Variants in NOL7 observed in about 807,000 individuals in gnomAD.
NOL7 encodes the protein nucleolar protein 7, also known as U3 small nucleolar RNA-associated protein NOL7.
In NOL7, 36 loss-of-function variants were observed where a neutral mutation model predicts 38.4. The ratio of observed to expected loss-of-function variants is 0.94; its 90% CI spans 0.72 to 1.24. The LOEUF is 1.24. Ranked by LOEUF, NOL7 falls within the 50% of genes most tolerant of loss-of-function variation. NOL7 has a pLI of 0.00. For synonymous variants in NOL7, 142 were observed against 126.5 expected, an observed-to-expected ratio of 1.12 and a Z score of -0.82; for missense variants, 350 against 315.1, an observed-to-expected ratio of 1.11 and a Z score of -0.84.
At chr6:13,627,251 C>T (rs546243906) in intron 8 of NOL7, among the ~76,000 whole-genome samples, 3 of 152,102 alleles carry the variant, frequency 2.0e-5, no homozygotes, top group Non-Finnish European at 4.4e-5. Flanking sequence ...TTCTACTTCC[C>T]GCCCCTAACC....
In NOL7 at chr6:13,615,372, G is replaced by A. The variant is rs1488809193; in HGVS notation, c.14G>A (p.Arg5Gln). Reference protein sequence around the residue: MVQLRPRASRAPASA... With the variant: MVQLQPRASRAPASA... ...GCTGCGTGGGCCATGGTGCAGCTCC[G>A]ACCGCGAGCGTCTCGCGCCCCGGCG... The change falls in exon 1 of 8, where the codon CGA (arginine) becomes CAA (glutamine). Residue 5 changes from arginine (R) to glutamine (Q), a missense_variant. Arg to Gln is a conservative substitution (Grantham distance 43). Coordinates refer to ENST00000451315, the MANE Select transcript of NOL7 (RefSeq NM_016167.5). The A allele has an allele frequency of 6.6e-7, 1 of 1,511,776 alleles. No homozygotes were observed. Among genetic ancestry groups the A allele is most frequent in the Non-Finnish European group, 8.8e-7 (1 of 1,132,588 alleles). 93.6% of individuals were successfully genotyped at this position (1,511,776 alleles called of 1,614,324 possible).
At position 13,615,699 on chromosome 6, in the gene NOL7, C is replaced by T; in HGVS notation, c.267-13C>T. On this transcript the variant is annotated splice_polypyrimidine_tract_variant and intron_variant, in intron 1 of 7. Coordinates refer to ENST00000451315, the MANE Select transcript of NOL7 (RefSeq NM_016167.5). Reference sequence around the variant, plus strand: ...TGTCCTTCCCTTTGCTGACTTATCACCCTTCCTCCCAGGGATAAAACGCTC... The same window carrying T: ...TGTCCTTCCCTTTGCTGACTTATCATCCTTCCTCCCAGGGATAAAACGCTC... The T allele has an allele frequency of 3.7e-6, 6 of 1,614,234 alleles. No individual in the cohort carries two copies. The highest frequency in any genetic ancestry group is 5.1e-6 in the Non-Finnish European group (6 of 1,180,042).
intron 8 of NOL7, among the ~76,000 whole-genome samples, chr6:13,627,863 C>T (rs1764661984): frequency 1.3e-5 from 2 of 152,104 alleles, no homozygotes; most frequent in Non-Finnish European, 1.5e-5. Flanking sequence ...AAATGTCGCA[C>T]TCCCAAATCT....
chr6:13,616,691 A>G (rs1219844154), intron 3 of NOL7, among the ~76,000 whole-genome samples, 170 bp downstream of exon 3: 2 of 152,146 alleles, frequency 1.3e-5, no homozygotes, highest in African/African-American at 4.8e-5. Context: ...TCTACTTCTT[A>G]TTTTACCATT....
chr6:13,629,633 C>T (rs1330417428), intron 8 of NOL7, among the ~76,000 whole-genome samples: 2 of 152,082 alleles, frequency 1.3e-5, no homozygotes, highest in African/African-American at 4.8e-5. Flanking sequence ...CAGGCTGGGG[C>T]TGTTCATTCA....
At position 13,620,411 on chromosome 6, in the gene NOL7, A is replaced by G. The variant is rs1392467658; in HGVS notation, c.626A>G (p.Asn209Ser). The G allele has an allele frequency of 3.7e-6, 6 of 1,614,140 alleles. No individual in the cohort carries two copies. Among genetic ancestry groups the G allele is most frequent in the South Asian group, 2.2e-5 (2 of 91,082 alleles). ...GATAAATACCTTTCTTTTCTAGTAA[A>G]TAAGTTCCTGTCTCTTGCCAACAAG... ...YGPGTNRTTV[N>S]KFLSLANKRL... is the part of the protein sequence containing the mutation. Residue 209 changes from asparagine to serine, a missense_variant, in exon 7 of 8, where the codon AAT becomes AGT. Transcript: ENST00000451315.
downstream of NOL7, chr6:13,622,419 C>T: frequency 6.2e-7 from 1 of 1,602,104 alleles, no homozygotes; most frequent in African/African-American, 1.3e-5. Flanking sequence ...CTGATCGAGC[C>T]ATCAGTCCTA....
At chr6:13,625,095 T>C (rs964118963), downstream of NOL7, among the ~76,000 whole-genome samples, 7 of 152,222 alleles carry the variant, frequency 4.6e-5, no homozygotes, top group Non-Finnish European at 8.8e-5. Context: ...ACTTCCATTT[T>C]CATTCTCTCC....
At position 13,615,372 on chromosome 6, in the gene NOL7, G is replaced by T. The variant is rs1488809193; in HGVS notation, c.14G>T (p.Arg5Leu). 5 of 1,511,768 alleles carry T rather than the reference G, an allele frequency of 3.3e-6. No individual in the cohort carries two copies. The highest frequency in any genetic ancestry group is 2.6e-5 in the South Asian group (2 of 76,662). 93.6% of individuals were successfully genotyped at this position (1,511,768 alleles called of 1,614,324 possible). Residue 5 changes from arginine to leucine, a missense_variant, in exon 1 of 8, where the codon CGA becomes CTA. Transcript: ENST00000451315. MVQL[R>L]PRASRAPASA... is the part of the protein sequence containing the mutation. ...GCTGCGTGGGCCATGGTGCAGCTCC[G>T]ACCGCGAGCGTCTCGCGCCCCGGCG...
At chr6:13,629,555 T>C (rs1764716896) in intron 8 of NOL7, among the ~76,000 whole-genome samples, 1 of 152,192 alleles carries the variant, frequency 6.6e-6, no homozygotes, top group South Asian at 2.1e-4. Context: ...GTTTAGAATC[T>C]GGAGCAGTTT....
chr6:13,615,682 C>G, intron 1 of NOL7, 30 bp from the exon 2 acceptor site: 1 of 1,614,182 alleles, frequency 6.2e-7, no homozygotes, highest in Middle Eastern at 1.7e-4. Context: ...CTTGTCCTTC[C>G]CTTTGCTGAC....
intron 8 of NOL7, among the ~76,000 whole-genome samples, chr6:13,630,843 A>T (rs1298280908): frequency 2.1e-5 from 3 of 144,882 alleles, no homozygotes; most frequent in South Asian, 4.3e-4. Flanking sequence ...TCATTTTTCT[A>T]TTTTTTTTTT....
chr6:13,616,555 T>C, intron 3 of NOL7, 34 bp downstream of exon 3: 2 of 1,401,546 alleles, frequency 1.4e-6, no homozygotes, highest in South Asian at 1.2e-5. Context: ...TACTTGCTTA[T>C]ATACACCCAT....
chr6:13,626,272 C>G (rs1415874819), downstream of NOL7, among the ~76,000 whole-genome samples: 2 of 152,188 alleles, frequency 1.3e-5, no homozygotes, highest in Non-Finnish European at 2.9e-5. Context: ...TTCAGTATTT[C>G]CAACTATCTC....
At chr6:13,616,586 C>T in intron 3 of NOL7, 65 bp downstream of exon 3, 6 of 1,072,736 alleles carry the variant, frequency 5.6e-6, no homozygotes, top group Non-Finnish European at 8.2e-6. Context: ...TATACTGGTA[C>T]ATTTATTTGA....
intron 5 of NOL7, among the ~76,000 whole-genome samples, 161 bp from the exon 6 acceptor site, chr6:13,620,047 A>G (rs1764397579): frequency 6.6e-6 from 1 of 152,180 alleles, no homozygotes; most frequent in Admixed American, 6.5e-5. Flanking sequence ...CCCACTATTC[A>G]GGAGGCTGAG....
chr6:13,632,303 T>A (rs1764809406), intron 8 of NOL7: 2 of 1,512,700 alleles, frequency 1.3e-6, no homozygotes, highest in Non-Finnish European at 1.8e-6. Flanking sequence ...CACTGCTCAG[T>A]GTTTCACAAA....
At chr6:13,622,031 CCT>C (rs1246122453), downstream of NOL7, 6 of 163,948 alleles carry the variant, frequency 3.7e-5, no homozygotes, top group Non-Finnish European at 6.6e-5. Flanking sequence ...ATTTCCTTCC[CCT>C]CTCTCCCCCC....
At chr6:13,616,583 G>A in intron 3 of NOL7, 62 bp downstream of exon 3, 1 of 1,100,926 alleles carries the variant, frequency 9.1e-7, no homozygotes. Context: ...TTATATACTG[G>A]TACATTTATT....
Sources: gnomAD v4.1 joint callset for allele counts (sites outside exome capture counted in the v4.1 genomes callset) on GRCh38, gnomAD v4.1.1 for gene constraint, MANE v1.5 for transcripts, NCBI Gene and HGNC (gene_info 2026-07-23, HGNC 2026-07-21) for gene names.